MECOM: variants seen among roughly 807,000 people sequenced by gnomAD.
MECOM encodes histone-lysine N-methyltransferase MECOM.
A neutral mutation model predicts 116.3 loss-of-function variants in MECOM; 13 were observed. The ratio of observed to expected loss-of-function variants is 0.11; its 90% confidence interval spans 0.07 to 0.18. MECOM has a LOEUF of 0.18. MECOM is among the 10% of genes least tolerant of loss of function. The probability of loss-of-function intolerance (pLI) is 1.00; values close to 1 mark genes in which losing one functional copy is unlikely to be tolerated. For missense variants in MECOM, 1,299 were observed against 1,509.0 expected, an observed-to-expected ratio of 0.86 and a Z score of 2.31; for synonymous variants, 528 against 535.2, an observed-to-expected ratio of 0.99 and a Z score of 0.19.
At chr3:169,153,420 C>T (rs936737544) in intron 2 of MECOM, among the ~76,000 whole-genome samples, 17 of 152,044 alleles carry the variant, frequency 1.1e-4, no homozygotes, top group South Asian at 1.0e-3. Flanking sequence ...ACTTTGCTTA[C>T]GATTATCATT....
chr3:169,158,882 C>T (rs1742401974), intron 2 of MECOM, among the ~76,000 whole-genome samples: 1 of 152,102 alleles, frequency 6.6e-6, no homozygotes. Flanking sequence ...TTATTCTCGC[C>T]CCCAAAATTT....
chr3:169,147,913 G>A (rs1207354691), intron 2 of MECOM, among the ~76,000 whole-genome samples: 1 of 151,990 alleles, frequency 6.6e-6, no homozygotes, highest in Non-Finnish European at 1.5e-5. Context: ...TTAGGGTATA[G>A]GGACGCTAGT....
chr3:169,635,058 G>C (rs1045301703), intron 1 of MECOM, among the ~76,000 whole-genome samples: 2 of 152,126 alleles, frequency 1.3e-5, no homozygotes, highest in African/African-American at 4.8e-5. Flanking sequence ...CACAGAAGAG[G>C]CTCATGCAGT....
Position 169,116,580 on chromosome 3 carries a change from T to C in MECOM, c.1292A>G (p.Asn431Ser). The change falls in exon 8 of 17, where the codon AAC (asparagine) becomes AGC (serine). Residue 431 changes from asparagine (N) to serine (S), a missense_variant. Around this residue, in one of 6 missense-constraint regions of MECOM, gnomAD observed 238 missense variants for 273.1 expected, o/e 0.87. Transcript: ENST00000651503. The part of the protein sequence containing the change: ...NKHRRFCEGK[N>S]HFAAGGFFGQ... Reference sequence around the variant, plus strand: ...AAAAAATCCACCTGCCGCAAAATGGTTCTTGCCCTCACAAAACCTCCTGTG... The same window carrying C: ...AAAAAATCCACCTGCCGCAAAATGGCTCTTGCCCTCACAAAACCTCCTGTG... The C allele has an allele frequency of 1.2e-6, 2 of 1,614,218 alleles. No homozygotes were observed. The highest frequency in any genetic ancestry group is 8.5e-7 in the Non-Finnish European group (1 of 1,180,030).
chr3:169,653,387 G>A (rs1775155412), intron 1 of MECOM, among the ~76,000 whole-genome samples: 2 of 152,058 alleles, frequency 1.3e-5, no homozygotes, highest in African/African-American at 4.8e-5. Flanking sequence ...ATACCATGAA[G>A]ACAAGCAATT....
intron 1 of MECOM, among the ~76,000 whole-genome samples, chr3:169,529,039 A>T (rs1322099744): frequency 1.3e-5 from 2 of 152,220 alleles, no homozygotes; most frequent in African/African-American, 4.8e-5. Flanking sequence ...TGGCAAACAC[A>T]GTTTTTTAAA....
At chr3:169,324,825 G>C (rs1721571275) in intron 2 of MECOM, among the ~76,000 whole-genome samples, 1 of 152,196 alleles carries the variant, frequency 6.6e-6, no homozygotes, top group Non-Finnish European at 1.5e-5. Flanking sequence ...ACAGCTAGAA[G>C]ATTCAACTCT....
At chr3:169,627,878 C>T (rs1338649372) in intron 1 of MECOM, among the ~76,000 whole-genome samples, 2 of 152,156 alleles carry the variant, frequency 1.3e-5, no homozygotes, top group Non-Finnish European at 2.9e-5. Context: ...GTTCTGTGAG[C>T]AAGTGGATAA....
At chr3:169,370,295 G>A (rs1009980468) in intron 2 of MECOM, among the ~76,000 whole-genome samples, 1 of 151,910 alleles carries the variant, frequency 6.6e-6, no homozygotes, top group African/African-American at 2.4e-5. Context: ...TCAATAAATG[G>A]TGCTGAGAAA....
chr3:169,373,003 C>T (rs1398024977), intron 2 of MECOM, among the ~76,000 whole-genome samples: 10 of 151,978 alleles, frequency 6.6e-5, no homozygotes, highest in Non-Finnish European at 2.9e-5. Flanking sequence ...AGAAAAACCT[C>T]ATCCTGAACC....
intron 1 of MECOM, 78 bp downstream of exon 1, chr3:169,663,258 C>CT: frequency 6.6e-7 from 1 of 1,522,846 alleles, no homozygotes; most frequent in Non-Finnish European, 8.9e-7. Context: ...CCCGCGCTCC[C>CT]TCCCGGAGCG....
In MECOM at chr3:169,100,969, T is replaced by C. The variant is rs372921435; in HGVS notation, c.2772-7A>G. On this transcript the variant is annotated splice_polypyrimidine_tract_variant and splice_region_variant and intron_variant, in intron 11 of 16. Transcript: ENST00000651503. ...AAAAATCTTGCCACAGTATCTGTTA[T>C]GAAAAGATGTTTATAAGAGAAAGTC... The C allele has an allele frequency of 1.5e-4, 241 of 1,604,706 alleles. 2 individuals are homozygous for C. In the African/African-American group the frequency reaches 3.0e-3, roughly 20 times the overall value.
At chr3:169,614,107 C>CT (rs1254596905) in intron 1 of MECOM, among the ~76,000 whole-genome samples, 1 of 77,864 alleles carries the variant, frequency 1.3e-5, no homozygotes, top group East Asian at 2.9e-4. Flanking sequence ...TTTTCTTTTT[C>CT]TTTTTTCTTT....
chr3:169,298,033 C>T (rs1255404968), intron 2 of MECOM, among the ~76,000 whole-genome samples: 1 of 152,132 alleles, frequency 6.6e-6, no homozygotes, highest in East Asian at 1.9e-4. Flanking sequence ...TATACATCAT[C>T]CACGGCAATA....
rs1231802716 is a variant in MECOM at position 169,238,367 on chromosome 3, A to G, written c.376-94535T>C. On this transcript the variant is annotated intron_variant, in intron 2 of 16. Transcript: ENST00000651503. ...TTTCAGTAGATGTATGAACTCATAT[A>G]CTAGGAAACTGGTTTAAATTCACAG... Among the ~76,000 whole-genome samples, 5 of 152,144 alleles carry G rather than the reference A, an allele frequency of 3.3e-5. No individual in the cohort carries two copies. The East Asian group carries it at 9.6e-4, about 29-fold the overall frequency.
At chr3:169,117,130 A>G (rs1729418203) in intron 7 of MECOM, among the ~76,000 whole-genome samples, 1 of 152,188 alleles carries the variant, frequency 6.6e-6, no homozygotes. Flanking sequence ...ACAAAACACA[A>G]CAAGAACCCC....
intron 4 of MECOM, 34 bp downstream of exon 4, chr3:169,131,395 A>T (rs1247552323): frequency 6.6e-7 from 1 of 1,521,530 alleles, no homozygotes; most frequent in Non-Finnish European, 9.1e-7. Flanking sequence ...CGCGATGATA[A>T]GGTGATAAGG....
intron 14 of MECOM, among the ~76,000 whole-genome samples, chr3:169,092,226 G>C (rs1181116079): frequency 6.6e-6 from 1 of 151,902 alleles, no homozygotes; most frequent in Non-Finnish European, 1.5e-5. Flanking sequence ...GTGCATCAGG[G>C]CAGTAAAAAC....
intron 1 of MECOM, among the ~76,000 whole-genome samples, chr3:169,634,568 C>A (rs1365566853): frequency 6.6e-6 from 1 of 152,160 alleles, no homozygotes; most frequent in Non-Finnish European, 1.5e-5. Flanking sequence ...CTCCAGTCAA[C>A]CTTTTTCTCT....
Sources: gnomAD v4.1 joint callset for allele counts (sites outside exome capture counted in the v4.1 genomes callset) on GRCh38, gnomAD v4.1.1 for gene constraint, gnomAD v4.1.1 regional missense constraint, MANE v1.5 for transcripts, NCBI Gene and HGNC (gene_info 2026-07-23, HGNC 2026-07-21) for gene names.